The following RTN1 variants were observed in gnomAD, a reference collection of about 807,000 sequenced individuals.
The protein encoded by RTN1 is reticulon 1, also known as reticulon-1.
RTN1 carries 25 observed loss-of-function variants against 65.5 expected under a neutral mutation model. The observed-to-expected ratio is 0.38, with a 90% confidence interval of 0.28 to 0.53. RTN1 has a LOEUF of 0.53. RTN1 is among the 20% of genes least tolerant of loss of function. The pLI is 0.79. For synonymous variants in RTN1, 471 were observed against 447.6 expected (o/e 1.05, Z -0.66); for missense variants, 983 against 1,025.4 (o/e 0.96, Z 0.57).
chr14:59,750,256 A>ATATTATATCTATAATATATT (rs1566713468), intron 1 of RTN1, among the ~76,000 whole-genome samples: 461 of 26,358 alleles, frequency 0.017, 60 homozygotes, highest in African/African-American at 0.1. Flanking sequence ...TATAATATAT[A>ATATTATATCTATAATATATT]ATATATATAA....
At chr14:59,813,041 T>C (rs1479774607) in intron 1 of RTN1, among the ~76,000 whole-genome samples, 1 of 152,222 alleles carries the variant, frequency 6.6e-6, no homozygotes, top group African/African-American at 2.4e-5. Context: ...GCCTCTGTAA[T>C]ATGCTACTGA....
rs186083890 is a variant in RTN1, at chr14:59,827,989, G to A, written c.241+42401C>T. 2.4e-3 allele frequency among the ~76,000 whole-genome samples: 367 copies of A among 152,298 alleles called. 1 individual carries two copies. The highest frequency in any genetic ancestry group is 4.1e-3 in the Non-Finnish European group (280 of 68,012). ...CAAGCAGAATGTTTCTGTGTTTAAT[G>A]AGCTATGTAAGACCAAAATAAGTTG... On this transcript the variant is annotated intron_variant, in intron 1 of 8. Coordinates refer to ENST00000267484, the MANE Select transcript of RTN1 (RefSeq NM_021136.3).
intron 1 of RTN1, among the ~76,000 whole-genome samples, chr14:59,830,230 G>C (rs147023957): frequency 2.7e-3 from 411 of 152,260 alleles, no homozygotes; most frequent in Non-Finnish European, 4.4e-3. Flanking sequence ...AACTACATCG[G>C]ATATGAATCT....
At chr14:59,817,703 T>C (rs1237074292) in intron 1 of RTN1, among the ~76,000 whole-genome samples, 4 of 152,158 alleles carry the variant, frequency 2.6e-5, no homozygotes, top group Admixed American at 2.6e-4. Context: ...CCACGACTCT[T>C]GGACCACCCT....
intron 3 of RTN1, among the ~76,000 whole-genome samples, chr14:59,675,710 T>C (rs1883613327): frequency 6.6e-6 from 1 of 152,012 alleles, no homozygotes; most frequent in Non-Finnish European, 1.5e-5. Context: ...GTATAAGTGG[T>C]GGAGCTTGGA....
At chr14:59,754,429 C>T (rs915205542) in intron 1 of RTN1, among the ~76,000 whole-genome samples, 3 of 152,176 alleles carry the variant, frequency 2.0e-5, no homozygotes, top group Admixed American at 6.5e-5. Flanking sequence ...GTTCTTAACG[C>T]TGACTCATCC....
At chr14:59,818,964 C>T (rs1886872526) in intron 1 of RTN1, among the ~76,000 whole-genome samples, 2 of 152,170 alleles carry the variant, frequency 1.3e-5, no homozygotes, top group Admixed American at 6.5e-5. Context: ...TTAAAGGCAG[C>T]GCGTCTGGAA....
chr14:59,670,521 T>C lies in RTN1; in HGVS notation c.1765+56398A>G, dbSNP rs1351175239. Among the ~76,000 whole-genome samples the C allele has an allele frequency of 3.3e-5, 5 of 152,190 alleles. No homozygotes were observed. The East Asian group carries it at 7.7e-4, about 23-fold the overall frequency. Reference sequence around the variant, plus strand: ...AATGTAATCTAACTTTAGGTGAAGATGGTTTTAAAAAGTCTTGAAGATGGC... The same window carrying C: ...AATGTAATCTAACTTTAGGTGAAGACGGTTTTAAAAAGTCTTGAAGATGGC... On this transcript the variant is annotated intron_variant, in intron 3 of 8. Coordinates refer to ENST00000267484, the MANE Select transcript of RTN1 (RefSeq NM_021136.3).
At chr14:59,693,583 C>T (rs953507240) in intron 3 of RTN1, among the ~76,000 whole-genome samples, 3 of 152,146 alleles carry the variant, frequency 2.0e-5, no homozygotes, top group Admixed American at 2.0e-4. Context: ...AGCTTAGCTC[C>T]CACTTATAAG....
chr14:59,714,200 C>T (rs910704156), intron 3 of RTN1, among the ~76,000 whole-genome samples: 1 of 150,848 alleles, frequency 6.6e-6, no homozygotes, highest in African/African-American at 2.4e-5. Context: ...GTGCCATTGC[C>T]TCCAGCCTAA....
At chr14:59,658,507 G>T (rs889831677) in intron 3 of RTN1, among the ~76,000 whole-genome samples, 1 of 152,198 alleles carries the variant, frequency 6.6e-6, no homozygotes, top group African/African-American at 2.4e-5. Flanking sequence ...TCTGGTGGGT[G>T]CCCCTCTGGG....
Position 59,836,471 on chromosome 14 carries a change from A to C in RTN1, c.241+33919T>G, listed in dbSNP as rs1887214709. 6.6e-6 allele frequency among the ~76,000 whole-genome samples: 1 copy of C among 152,230 alleles called. No homozygotes were observed. Among genetic ancestry groups the C allele is most frequent in the Admixed American group, 6.5e-5 (1 of 15,286 alleles). On this transcript the variant is annotated intron_variant, in intron 1 of 8. Coordinates refer to ENST00000267484, the MANE Select transcript of RTN1 (RefSeq NM_021136.3). The surrounding 1 kb of genome is among the most constrained non-coding windows in gnomAD (Gnocchi z 4.9). ...TTCCAGTTCTTACATCTTCTTTGTA[A>C]GTCATGCTTTTAAGAGGTTTTGGCT... is the stretch of plus-strand genomic sequence containing the variant.
At chr14:59,728,249 C>CT (rs200434592) in intron 2 of RTN1, among the ~76,000 whole-genome samples, 1,280 of 124,020 alleles carry the variant, frequency 0.01, 48 homozygotes, top group East Asian at 0.018. Context: ...GAATCAGTAT[C>CT]TTTTTTTTTT....
Position 59,846,415 on chromosome 14 carries a change from C to T in RTN1, c.241+23975G>A, listed in dbSNP as rs574247730. Among the ~76,000 whole-genome samples, 12 of 152,154 alleles carry T rather than the reference C, an allele frequency of 7.9e-5. No individual in the cohort carries two copies. The highest frequency in any genetic ancestry group is 1.9e-4 in the African/African-American group (8 of 41,468). On this transcript the variant is annotated intron_variant, in intron 1 of 8. Transcript: ENST00000267484. The surrounding 1 kb of genome is among the most constrained non-coding windows in gnomAD (Gnocchi z 4.8). ...ATGGATCAGAGTTGATGTATGCACA[C>T]GTGTGTACACACACACGTGTGTACC...
At chr14:59,861,838 T>C (rs1045112726) in intron 1 of RTN1, among the ~76,000 whole-genome samples, 1 of 152,194 alleles carries the variant, frequency 6.6e-6, no homozygotes, top group African/African-American at 2.4e-5. Flanking sequence ...TTTAACTATC[T>C]CTCAAATGGC....
chr14:59,865,012 C>A (rs987246802), intron 1 of RTN1, among the ~76,000 whole-genome samples: 3 of 151,946 alleles, frequency 2.0e-5, no homozygotes, highest in Non-Finnish European at 2.9e-5. Flanking sequence ...GTCAGTTGAG[C>A]GTTTTGCAGA....
At chr14:59,767,784 G>A (rs1229508655) in intron 1 of RTN1, among the ~76,000 whole-genome samples, 2 of 152,148 alleles carry the variant, frequency 1.3e-5, no homozygotes, top group Non-Finnish European at 2.9e-5. Context: ...CCCTTCCAAT[G>A]TTTTCATTGC....
chr14:59,838,967 T>C lies in RTN1; in HGVS notation c.241+31423A>G, dbSNP rs563208132. On this transcript the variant is annotated intron_variant, in intron 1 of 8. Coordinates refer to ENST00000267484, the MANE Select transcript of RTN1 (RefSeq NM_021136.3). ...GTCCAGTTTTATTTATTTCGCCCTTTCTGCTGACTCTCCAGTATAGTACAT... is the reference window on the plus strand; with the variant it reads ...GTCCAGTTTTATTTATTTCGCCCTTCCTGCTGACTCTCCAGTATAGTACAT... 2.0e-5 allele frequency among the ~76,000 whole-genome samples: 3 copies of C among 152,300 alleles called. No individual in the cohort carries two copies. The East Asian group carries it at 5.8e-4, about 29-fold the overall frequency.
At chr14:59,756,043 G>C (rs1394226629) in intron 1 of RTN1, among the ~76,000 whole-genome samples, 1 of 152,138 alleles carries the variant, frequency 6.6e-6, no homozygotes, top group African/African-American at 2.4e-5. Context: ...CCATTGCCTA[G>C]GATGTTTTCA....
Sources: allele counts gnomAD v4.1 joint callset (sites outside exome capture counted in the v4.1 genomes callset), GRCh38; gene constraint gnomAD v4.1.1; non-coding constraint Gnocchi (gnomAD v3.1); transcripts MANE v1.5; gene names NCBI Gene and HGNC (gene_info 2026-07-23, HGNC 2026-07-21).